DROSHA: variants seen among roughly 807,000 people sequenced by gnomAD.
DROSHA encodes ribonuclease 3.
In DROSHA, 56 loss-of-function variants were observed where a neutral mutation model predicts 181.9. The ratio of observed to expected loss-of-function variants is 0.31; its 90% CI spans 0.25 to 0.38. DROSHA has a LOEUF of 0.38. Ranked by LOEUF, DROSHA falls within the 10% of genes least tolerant of loss-of-function variation. The pLI, the probability that DROSHA is intolerant of heterozygous loss-of-function variation, is 1.00. For synonymous variants in DROSHA, 524 were observed against 591.2 expected, an observed-to-expected ratio of 0.89 and a Z score of 1.65; for missense variants, 1,218 against 1,743.5, an observed-to-expected ratio of 0.70 and a Z score of 5.37.
At chr5:31,413,048 C>G (rs756588996) in intron 30 of DROSHA, among the ~76,000 whole-genome samples, 1 of 152,160 alleles carries the variant, frequency 6.6e-6, no homozygotes, top group African/African-American at 2.4e-5. Context: ...GCCCAACGCA[C>G]ACATGAGCAC....
chr5:31,421,428 C>A, intron 29 of DROSHA, 51 bp from the exon 30 acceptor site: 1 of 1,398,364 alleles, frequency 7.2e-7, no homozygotes, highest in Non-Finnish European at 1.0e-6. Context: ...TTATGGATTT[C>A]CAAAAAAACA....
intron 11 of DROSHA, among the ~76,000 whole-genome samples, chr5:31,500,073 T>C (rs781731187): frequency 9.2e-5 from 14 of 152,166 alleles, no homozygotes; most frequent in Non-Finnish European, 1.9e-4. Context: ...ACTGCAGAGA[T>C]GGCACATCCC....
chr5:31,526,369 G>T lies in DROSHA; in HGVS notation c.564C>A (p.Asn188Lys). The T allele has an allele frequency of 6.2e-7, 1 of 1,613,744 alleles. No homozygotes were observed. The highest frequency in any genetic ancestry group is 8.5e-7 in the Non-Finnish European group (1 of 1,179,868). Residue 188 changes from asparagine to lysine, a missense_variant, in exon 5 of 36, where the codon AAC becomes AAA. Physicochemically the swap from Asn to Lys is moderately conservative, Grantham distance 94 (BLOSUM62 0). Around this residue, in one of 8 missense-constraint regions of DROSHA, gnomAD observed 536 missense variants for 535.4 expected, o/e 1.00. Transcript: ENST00000344624. Reference sequence around the variant, plus strand: ...TAGCACTGGGCAGGAAAGAACTAGGGTTGTTCTGGAAACTATTAAAACTGG... The same window carrying T: ...TAGCACTGGGCAGGAAAGAACTAGGTTTGTTCTGGAAACTATTAAAACTGG... ...PPPSFNSFQN[N>K]PSSFLPSANN...
intron 16 of DROSHA, among the ~76,000 whole-genome samples, chr5:31,472,812 C>T (rs904216791): frequency 1.3e-5 from 2 of 152,056 alleles, no homozygotes; most frequent in Admixed American, 1.3e-4. Flanking sequence ...GGAGTTAGTA[C>T]ATGGAAAAAA....
intron 23 of DROSHA, among the ~76,000 whole-genome samples, chr5:31,445,310 A>G (rs921194896): frequency 6.6e-6 from 1 of 152,232 alleles, no homozygotes; most frequent in East Asian, 1.9e-4. Context: ...ATGAGTTTAT[A>G]CAGACCTAGG....
At chr5:31,493,511 G>T (rs757711361) in intron 12 of DROSHA, among the ~76,000 whole-genome samples, 2 of 152,130 alleles carry the variant, frequency 1.3e-5, no homozygotes, top group Non-Finnish European at 2.9e-5. Flanking sequence ...GTAATATTAT[G>T]GGTGCCATAA....
chr5:31,431,503 A>G, intron 26 of DROSHA, 73 bp downstream of exon 26: 2 of 1,504,302 alleles, frequency 1.3e-6, no homozygotes, highest in East Asian at 2.3e-5. Flanking sequence ...AAGTTTCCAC[A>G]CTAAATTTTA....
At position 31,526,261 on chromosome 5, in the gene DROSHA, C is replaced by T. The variant is rs765986893; in HGVS notation, c.672G>A (p.Arg224=). Residue 224 remains arginine (R), a synonymous_variant, in exon 5 of 36, where the codon AGG becomes AGA. Transcript: ENST00000344624. The part of the protein sequence containing the change: ...KAPSERRSPE[R]LKHYDDHRHR... ...GCCTGTGGTCATCATAGTGTTTCAGCCTTTCTGGGGACCTTCTCTCACTGG... is the reference window on the plus strand; with the variant it reads ...GCCTGTGGTCATCATAGTGTTTCAGTCTTTCTGGGGACCTTCTCTCACTGG... 1 of 1,613,824 alleles carries T rather than the reference C, an allele frequency of 6.2e-7. No individual in the cohort carries two copies. Among genetic ancestry groups the T allele is most frequent in the Non-Finnish European group, 8.5e-7 (1 of 1,179,856 alleles).
chr5:31,526,337 C>T lies in DROSHA; in HGVS notation c.596G>A (p.Ser199Asn), dbSNP rs974715206. 2 of 1,613,772 alleles carry T rather than the reference C, an allele frequency of 1.2e-6. No homozygotes were observed. The highest frequency in any genetic ancestry group is 8.5e-7 in the Non-Finnish European group (1 of 1,179,860). Residue 199 changes from serine (S) to asparagine (N), a missense_variant, in exon 5 of 36, where the codon AGC becomes AAC. By Grantham distance (46) the Ser-to-Asn change is conservative. Transcript: ENST00000344624. ...PSSFLPSANNSSSPHFRHLPP... is the reference protein window; with the variant it reads ...PSSFLPSANNNSSPHFRHLPP... Reference sequence around the variant, plus strand: ...GAGATGTCTGAAATGAGGACTACTGCTGTTATTAGCACTGGGCAGGAAAGA... The same window carrying T: ...GAGATGTCTGAAATGAGGACTACTGTTGTTATTAGCACTGGGCAGGAAAGA...
At position 31,514,784 on chromosome 5, in the gene DROSHA, T is replaced by C. The variant is rs193194509; in HGVS notation, c.1290+204A>G. The stretch of plus-strand genomic sequence containing the variant: ...GTGATCTTTTCCCCCCAGGGGACAT[T>C]TGGCAATATTTGAAGACATTTTCGG... On this transcript the variant is annotated intron_variant, in intron 8 of 35. Coordinates refer to ENST00000344624, the MANE Select transcript of DROSHA (RefSeq NM_001382508.1). The surrounding 1 kb of genome is among the most constrained non-coding windows in gnomAD (Gnocchi z 4.4). 1.3e-5 allele frequency among the ~76,000 whole-genome samples: 2 copies of C among 152,298 alleles called. No homozygotes were observed. Among genetic ancestry groups the C allele is most frequent in the Admixed American group, 1.3e-4 (2 of 15,310 alleles).
chr5:31,424,786 T>C (rs898277533), intron 27 of DROSHA, among the ~76,000 whole-genome samples: 4 of 152,218 alleles, frequency 2.6e-5, no homozygotes, highest in Admixed American at 1.3e-4. Flanking sequence ...CTTTTAATCA[T>C]ATTTTTTTCT....
Position 31,526,664 on chromosome 5 carries a change from T to G in DROSHA, c.269A>C (p.Gln90Pro). Reference protein sequence around the residue: ...PFPPPMPPSAQGPLPPCPIRP... With the variant: ...PFPPPMPPSAPGPLPPCPIRP... ...GATTGGGCAGGGGGGAAGAGGGCCT[T>G]GCGCTGACGGAGGCATGGGTGGGGG... The change falls in exon 5 of 36, where the codon CAA becomes CCA. Residue 90 changes from glutamine (Q) to proline (P), a missense_variant. Transcript: ENST00000344624. 1.5e-6 allele frequency: 2 copies of G among 1,317,754 alleles called. No homozygotes were observed. Among genetic ancestry groups the G allele is most frequent in the South Asian group, 3.0e-5 (2 of 67,458 alleles). The allele number at this position is 1,317,754 out of a possible 1,614,324, so 81.6% of individuals were successfully genotyped here. A position where few individuals can be genotyped will look rare whatever the true frequency, so the allele number is the denominator to read the frequency against.
At chr5:31,503,297 G>A (rs1218164533) in intron 11 of DROSHA, among the ~76,000 whole-genome samples, 2 of 152,132 alleles carry the variant, frequency 1.3e-5, no homozygotes, top group Non-Finnish European at 2.9e-5. Flanking sequence ...AACTTCCACT[G>A]CCAAACATCC....
chr5:31,433,111 G>A (rs1744363874), intron 25 of DROSHA, among the ~76,000 whole-genome samples: 1 of 152,034 alleles, frequency 6.6e-6, no homozygotes, highest in African/African-American at 2.4e-5. Flanking sequence ...CCAGTCCTCA[G>A]ACAAAAGACA....
chr5:31,518,938 A>T (rs1391974745), intron 6 of DROSHA, among the ~76,000 whole-genome samples: 1 of 152,206 alleles, frequency 6.6e-6, no homozygotes, highest in Non-Finnish European at 1.5e-5. Context: ...TGTGAACATC[A>T]GTTAATATTT....
rs955532369 is a variant in DROSHA at position 31,514,773 on chromosome 5, C to T, written c.1290+215G>A. Among the ~76,000 whole-genome samples the T allele has an allele frequency of 6.6e-6, 1 of 152,136 alleles. No homozygotes were observed. The highest frequency in any genetic ancestry group is 2.4e-5 in the African/African-American group (1 of 41,412). ...CTCAACTGGGGGTGATCTTTTCCCC[C>T]CAGGGGACATTTGGCAATATTTGAA... On this transcript the variant is annotated intron_variant, in intron 8 of 35. Coordinates refer to ENST00000344624, the MANE Select transcript of DROSHA (RefSeq NM_001382508.1). This position sits in a 1 kb window ranked among gnomAD's most constrained non-coding sequence, Gnocchi z 4.4.
At chr5:31,494,998 G>A (rs35352693) in intron 12 of DROSHA, among the ~76,000 whole-genome samples, 80,003 of 151,982 alleles carry the variant, frequency 0.53, 23,012 homozygotes, top group Non-Finnish European at 0.65. Context: ...TTCAAGAAAT[G>A]TGGAAGTGTT....
At position 31,504,479 on chromosome 5, in the gene DROSHA, G is replaced by C. The variant is rs1345315249; in HGVS notation, c.1668+76C>G. On this transcript the variant is annotated intron_variant, in intron 11 of 35. Transcript: ENST00000344624. Reference sequence around the variant, plus strand: ...TTTTGATGGTATTATTTCATTTATGGGGGAAAGAACAGCAACAACATCTGT... The same window carrying C: ...TTTTGATGGTATTATTTCATTTATGCGGGAAAGAACAGCAACAACATCTGT... The C allele has an allele frequency of 8.9e-6, 13 of 1,453,140 alleles. No individual in the cohort carries two copies. In the African/African-American group the frequency reaches 1.7e-4, roughly 19 times the overall value. The allele number at this position is 1,453,140 out of a possible 1,614,324, so 90.0% of individuals were successfully genotyped here.
At chr5:31,499,849 G>A (rs1194081477) in intron 11 of DROSHA, among the ~76,000 whole-genome samples, 1 of 152,172 alleles carries the variant, frequency 6.6e-6, no homozygotes, top group Admixed American at 6.5e-5. Context: ...AAGTATAACA[G>A]CAGAGGAGGA....
Sources: gnomAD v4.1 joint callset for allele counts (sites outside exome capture counted in the v4.1 genomes callset) on GRCh38, gnomAD v4.1.1 for gene constraint, gnomAD v4.1.1 regional missense constraint, Gnocchi (gnomAD v3.1) non-coding constraint, MANE v1.5 for transcripts, NCBI Gene and HGNC (gene_info 2026-07-23, HGNC 2026-07-21) for gene names.